MYH11: variants seen among roughly 807,000 people sequenced by gnomAD.
MYH11 encodes the protein myosin heavy chain 11.
Under a neutral mutation model 246.6 loss-of-function variants are expected in MYH11, and 80 were observed. The ratio of observed to expected loss-of-function variants is 0.32; its 90% CI spans 0.27 to 0.39. The LOEUF is 0.39. Ranked by LOEUF, MYH11 falls within the 10% of genes least tolerant of loss-of-function variation. MYH11 has a pLI of 1.00. For missense variants in MYH11, 2,158 were observed against 2,546.8 expected, an observed-to-expected ratio of 0.85 and a Z score of 3.29; for synonymous variants, 1,071 against 1,015.5, an observed-to-expected ratio of 1.05 and a Z score of -1.04.
chr16:15,748,817 C>T (rs1218988409), intron 16 of MYH11, among the ~76,000 whole-genome samples: 1 of 152,030 alleles, frequency 6.6e-6, no homozygotes, highest in Non-Finnish European at 1.5e-5. Flanking sequence ...TAGGGTCTTG[C>T]TATGTTGCCC....
intron 2 of MYH11, among the ~76,000 whole-genome samples, chr16:15,832,493 G>GC (rs2043766419): frequency 6.6e-6 from 1 of 152,198 alleles, no homozygotes; most frequent in South Asian, 2.1e-4. Flanking sequence ...AGAGCAAAAA[G>GC]CCCATCTCAC....
intron 40 of MYH11, among the ~76,000 whole-genome samples, chr16:15,709,914 T>G (rs1325102399): frequency 3.3e-5 from 5 of 152,028 alleles, no homozygotes; most frequent in Admixed American, 6.6e-5. Flanking sequence ...GGTAGGTAAG[T>G]GGGTCTGGCT....
chr16:15,782,589 T>C (rs1025309711), intron 5 of MYH11, 112 bp from the exon 6 acceptor site: 50 of 770,932 alleles, frequency 6.5e-5, no homozygotes, highest in African/African-American at 5.1e-4. Context: ...TTCTCTCCTA[T>C]CTCCTACCTC....
intron 37 of MYH11, 47 bp from the exon 38 acceptor site, chr16:15,717,395 G>C (rs763827908): frequency 6.3e-7 from 1 of 1,591,054 alleles, no homozygotes; most frequent in East Asian, 2.2e-5. Context: ...GGAAGCCCAA[G>C]AGAGCGCACT....
intron 38 of MYH11, among the ~76,000 whole-genome samples, chr16:15,715,847 C>T (rs776325614): frequency 3.3e-5 from 5 of 152,048 alleles, no homozygotes; most frequent in Non-Finnish European, 7.4e-5. Context: ...AGTCTCTGGC[C>T]AGGCGTGGTG....
chr16:15,756,410 G>A lies in MYH11; in HGVS notation c.1680C>T (p.His560=), dbSNP rs886038947. The change falls in exon 14 of 41, where the codon CAC becomes CAT. Residue 560 remains histidine (H), a synonymous_variant. Coordinates refer to ENST00000300036, the MANE Select transcript of MYH11 (RefSeq NM_002474.3). ...GCTGCTTGGGCTTCTGGAACTTGGG[G>A]TGGCTGCCCTGCTCCGTGCACAGCT... ...VEKLCTEQGS[H]PKFQKPKQLK... is the part of the protein sequence containing the mutation. The A allele has an allele frequency of 9.3e-6, 15 of 1,614,040 alleles. No homozygotes were observed. The highest frequency in any genetic ancestry group is 1.3e-5 in the Non-Finnish European group (15 of 1,180,060).
At chr16:15,718,725 AATGAAAGCAGCCACACCCCCAAACAGGC>A (rs1447061398) in intron 36 of MYH11, 2 of 525,556 alleles carry the variant, frequency 3.8e-6, no homozygotes, top group African/African-American at 3.8e-5. Flanking sequence ...ATTGGGAATG[AATGAAAGCAGCCACACCCCCAAACAGGC>A]ATGAAAGCGC....
chr16:15,784,830 C>A, intron 5 of MYH11: 1 of 1,179,510 alleles, frequency 8.5e-7, no homozygotes, highest in East Asian at 2.5e-5. Flanking sequence ...TGGAGTCTCC[C>A]AGACAGACTG....
intron 2 of MYH11, among the ~76,000 whole-genome samples, chr16:15,837,344 T>C (rs2043924242): frequency 6.6e-6 from 1 of 152,166 alleles, no homozygotes; most frequent in South Asian, 2.1e-4. Context: ...GTCTTGGCAC[T>C]TGGCACATGT....
At chr16:15,716,504 T>C (rs1470715294) in intron 38 of MYH11, among the ~76,000 whole-genome samples, 1 of 152,014 alleles carries the variant, frequency 6.6e-6, no homozygotes, top group Non-Finnish European at 1.5e-5. Flanking sequence ...GTTGGACTTT[T>C]GTTTTTTGGG....
In MYH11 at chr16:15,720,279, G is replaced by A. The variant is rs1055960218; in HGVS notation, c.4825C>T (p.Arg1609Ter). The A allele has an allele frequency of 6.2e-7, 1 of 1,614,060 alleles. No individual in the cohort carries two copies. The highest frequency in any genetic ancestry group is 1.3e-5 in the African/African-American group (1 of 75,014). ...HEYETELEDE[R>*]KQRALAAAAK... ...GCAGCTGCCAGGGCACGTTGCTTTCGCTCGTCTTCCAGTTCCGTCTCATAC... is the reference window on the plus strand; with the variant it reads ...GCAGCTGCCAGGGCACGTTGCTTTCACTCGTCTTCCAGTTCCGTCTCATAC... Residue 1609 changes from arginine (R) to a stop codon, truncating the protein, a stop_gained, in exon 34 of 41, where the codon CGA becomes TGA. Coordinates refer to ENST00000300036, the MANE Select transcript of MYH11 (RefSeq NM_002474.3). LOFTEE classifies it high-confidence loss of function.
intron 11 of MYH11, among the ~76,000 whole-genome samples, chr16:15,760,201 G>GATGAATGA (rs148242233): frequency 4.2e-4 from 64 of 152,144 alleles, no homozygotes; most frequent in African/African-American, 1.3e-3. Context: ...TGCATGGACA[G>GATGAATGA]ATGAATGAAT....
rs2043952602 is a variant in MYH11 at position 15,838,114 on chromosome 16, C to A, written c.139G>T (p.Ala47Ser). 1 of 1,614,132 alleles carries A rather than the reference C, an allele frequency of 6.2e-7. No homozygotes were observed. Residue 47 changes from alanine to serine, a missense_variant, in exon 2 of 41, where the codon GCA becomes TCA. Ala to Ser is a moderately conservative substitution (Grantham distance 99, BLOSUM62 1). Transcript: ENST00000300036. The part of the protein sequence containing the change: ...WVPSEKQGFE[A>S]ASIKEEKGDE... ...CCCTTCTCCTCCTTAATGCTGGCTG[C>A]CTCGAAGCCCTGCTTCTCCGAGGGG...
At chr16:15,811,858 G>A (rs954981945) in intron 3 of MYH11, among the ~76,000 whole-genome samples, 4 of 152,092 alleles carry the variant, frequency 2.6e-5, no homozygotes, top group African/African-American at 9.7e-5. Context: ...TGTTGCTAAT[G>A]AGGTGAGGAC....
At chr16:15,732,406 G>A (rs1797999365) in intron 27 of MYH11, 158 bp downstream of exon 27, 2 of 1,160,926 alleles carry the variant, frequency 1.7e-6, no homozygotes. Flanking sequence ...AGCCTGTATG[G>A]GAAGCATTTT....
rs1188201816 is a variant in MYH11, at chr16:15,741,385, C to G, written c.2859+78G>C. 2.7e-6 allele frequency: 4 copies of G among 1,487,096 alleles called. No individual in the cohort carries two copies. The Admixed American group carries it at 5.0e-5, about 19-fold the overall frequency. The allele number at this position is 1,487,096 out of a possible 1,614,324, so 92.1% of individuals were successfully genotyped here. A position where few individuals can be genotyped will look rare whatever the true frequency, so the allele number is the denominator to read the frequency against. ...TCTGTCCCAGCAGGGACACATATCC[C>G]TGGATGCACCTCCACAGGCCTGTGG... On this transcript the variant is annotated intron_variant, in intron 22 of 40. Transcript: ENST00000300036.
chr16:15,821,302 A>T (rs1343467800), intron 3 of MYH11, among the ~76,000 whole-genome samples: 1 of 152,218 alleles, frequency 6.6e-6, no homozygotes, highest in Non-Finnish European at 1.5e-5. Context: ...TTATCTTCAG[A>T]TAGTAAAAAT....
In MYH11 at chr16:15,836,719, CTTTTTTTTTTTTT is replaced by C. The variant is rs780997939; in HGVS notation, c.345+1176_345+1188del. On this transcript the variant is annotated intron_variant, in intron 2 of 40. Coordinates refer to ENST00000300036, the MANE Select transcript of MYH11 (RefSeq NM_002474.3). Reference sequence around the variant, plus strand: ...CCAGCTAATAAATTTTTTAATGTTTCTTTTTTTTTTTTTTTTTTTTTTGAGATGGAGTTTCGCT... The same window carrying C: ...CCAGCTAATAAATTTTTTAATGTTTCTTTTTTTTTGAGATGGAGTTTCGCT... Among the ~76,000 whole-genome samples the C allele has an allele frequency of 5.0e-3, 475 of 95,096 alleles. 2 individuals carry two copies. Among genetic ancestry groups the C allele is most frequent in the Non-Finnish European group, 7.7e-3 (358 of 46,708 alleles). The allele number at this position is 95,096 out of a possible 152,430, so 62.4% of individuals were successfully genotyped here.
chr16:15,745,182 A>T lies in MYH11; in HGVS notation c.2467T>A (p.Cys823Ser). 6.2e-7 allele frequency: 1 copy of T among 1,614,140 alleles called. No homozygotes were observed. The highest frequency in any genetic ancestry group is 8.5e-7 in the Non-Finnish European group (1 of 1,180,026). ...LTAMKVIQRN[C>S]AAYLKLRNWQ... ...TTCCGCAGCTTGAGGTAGGCGGCGC[A>T]GTTCCTCTGAATCACCTTCATGGCG... is the stretch of plus-strand genomic sequence containing the variant. Residue 823 changes from cysteine to serine, a missense_variant, in exon 20 of 41, where the codon TGC becomes AGC. Coordinates refer to ENST00000300036, the MANE Select transcript of MYH11 (RefSeq NM_002474.3).
Sources: allele counts gnomAD v4.1 joint callset (sites outside exome capture counted in the v4.1 genomes callset), GRCh38; gene constraint gnomAD v4.1.1; transcripts MANE v1.5; gene names NCBI Gene and HGNC (gene_info 2026-07-23, HGNC 2026-07-21).